RALGAPA1: variants seen among roughly 807,000 people sequenced by gnomAD.
The protein encoded by RALGAPA1 is ral GTPase-activating protein subunit alpha-1.
In RALGAPA1, 52 loss-of-function variants were observed where a neutral mutation model predicts 269.6. The ratio of observed to expected loss-of-function variants is 0.19; its 90% CI spans 0.15 to 0.24. The LOEUF is 0.24. Among genes scored for constraint, RALGAPA1 ranks in the 10% least tolerant of loss-of-function variants. RALGAPA1 has a pLI of 1.00. For missense variants in RALGAPA1, 1,917 were observed against 3,013.9 expected, an observed-to-expected ratio of 0.64 and a Z score of 8.52; for synonymous variants, 817 against 1,008.3, an observed-to-expected ratio of 0.81 and a Z score of 3.60.
chr14:35,664,822 A>C, intron 26 of RALGAPA1, 55 bp from the exon 27 acceptor site: 1 of 1,555,244 alleles, frequency 6.4e-7, no homozygotes, highest in South Asian at 1.2e-5. Flanking sequence ...TGAAATTATC[A>C]GAAAAGTTGC....
At chr14:35,746,495 T>A (rs1292922057) in intron 10 of RALGAPA1, among the ~76,000 whole-genome samples, 1 of 152,188 alleles carries the variant, frequency 6.6e-6, no homozygotes, top group East Asian at 1.9e-4. Context: ...TGTACAGGTA[T>A]ATCAAAACAT....
intron 39 of RALGAPA1, among the ~76,000 whole-genome samples, chr14:35,554,599 G>A (rs1220549449): frequency 1.3e-5 from 2 of 151,854 alleles, no homozygotes; most frequent in Non-Finnish European, 2.9e-5. Context: ...GCCCGCCTCG[G>A]CCTCCCAAAG....
chr14:35,584,389 C>A (rs2058142700), intron 37 of RALGAPA1, among the ~76,000 whole-genome samples: 1 of 152,074 alleles, frequency 6.6e-6, no homozygotes, highest in Non-Finnish European at 1.5e-5. Flanking sequence ...CTCAGCCTCC[C>A]AAGTCGCTGG....
intron 19 of RALGAPA1, among the ~76,000 whole-genome samples, chr14:35,685,646 G>A (rs183297684): frequency 6.6e-6 from 1 of 152,284 alleles, no homozygotes; most frequent in East Asian, 1.9e-4. Flanking sequence ...GCTCACTCTG[G>A]TAATCCCAGC....
chr14:35,793,049 A>G (rs1410936399), intron 1 of RALGAPA1, among the ~76,000 whole-genome samples: 2 of 152,144 alleles, frequency 1.3e-5, no homozygotes, highest in African/African-American at 4.8e-5. Context: ...GTAGTGGGCT[A>G]GGGAGATGTG....
At chr14:35,708,812 A>G (rs1249188054) in intron 16 of RALGAPA1, among the ~76,000 whole-genome samples, 1 of 152,222 alleles carries the variant, frequency 6.6e-6, no homozygotes, top group Non-Finnish European at 1.5e-5. Flanking sequence ...TATTGCCAAC[A>G]CTATTCACAA....
chr14:35,655,149 CCTCA>C (rs1254787124), intron 29 of RALGAPA1, among the ~76,000 whole-genome samples: 1 of 151,706 alleles, frequency 6.6e-6, no homozygotes, highest in Non-Finnish European at 1.5e-5. Flanking sequence ...TATTGTTATC[CCTCA>C]CTGTCTAGCA....
intron 22 of RALGAPA1, 142 bp from the exon 23 acceptor site, chr14:35,674,851 A>G (rs2064807454): frequency 9.4e-6 from 5 of 532,264 alleles, no homozygotes; most frequent in East Asian, 3.0e-5. Context: ...TTTTCCCGAT[A>G]AGGTCAAAAC....
At chr14:35,647,496 A>G (rs188747098) in intron 31 of RALGAPA1, among the ~76,000 whole-genome samples, 12 of 152,342 alleles carry the variant, frequency 7.9e-5, no homozygotes, top group Admixed American at 7.2e-4. Context: ...AAATGATTCA[A>G]TATATCTATT....
intron 39 of RALGAPA1, among the ~76,000 whole-genome samples, chr14:35,555,348 A>G (rs2055501718): frequency 6.6e-6 from 1 of 152,186 alleles, no homozygotes; most frequent in South Asian, 2.1e-4. Context: ...ATGAGAAATG[A>G]ATTTAGTCAA....
intron 1 of RALGAPA1, among the ~76,000 whole-genome samples, chr14:35,781,429 T>C (rs1200962514): frequency 2.6e-5 from 4 of 152,030 alleles, no homozygotes; most frequent in African/African-American, 7.2e-5. Context: ...TACCAACTCT[T>C]CCAAAAAATA....
At chr14:35,724,073 C>CA (rs948371742) in intron 14 of RALGAPA1, among the ~76,000 whole-genome samples, 21 of 151,476 alleles carry the variant, frequency 1.4e-4, no homozygotes, top group South Asian at 4.2e-4. Context: ...TAATTTAATA[C>CA]AAAAAAAAGA....
At chr14:35,624,859 T>C (rs914805682) in intron 35 of RALGAPA1, among the ~76,000 whole-genome samples, 3 of 152,136 alleles carry the variant, frequency 2.0e-5, no homozygotes, top group African/African-American at 7.2e-5. Context: ...TCCAGTTAGT[T>C]TTCTGTGATT....
At chr14:35,678,688 T>A (rs1340158550) in intron 21 of RALGAPA1, among the ~76,000 whole-genome samples, 1 of 152,174 alleles carries the variant, frequency 6.6e-6, no homozygotes. Context: ...GGTTCTCAAG[T>A]CTCTCTATAA....
At chr14:35,690,711 T>C (rs2066404284) in intron 17 of RALGAPA1, among the ~76,000 whole-genome samples, 1 of 152,178 alleles carries the variant, frequency 6.6e-6, no homozygotes, top group Non-Finnish European at 1.5e-5. Flanking sequence ...TGCCTGTTAT[T>C]GGCCCTTTCC....
Position 35,671,499 on chromosome 14 carries a change from T to C in RALGAPA1, c.5092A>G (p.Ile1698Val), listed in dbSNP as rs751678429. 4.6e-5 allele frequency: 72 copies of C among 1,565,944 alleles called. No homozygotes were observed. In the East Asian group the frequency reaches 1.6e-3, roughly 35 times the overall value. The change falls in exon 26 of 42, where the codon ATC becomes GTC. Residue 1698 changes from isoleucine to valine, a missense_variant. Transcript: ENST00000680220. ...AAAAATTGAGGTGAGCAGTGTTTGA[T>C]GATTGTATTGACAATATCCTTAGAA... is the stretch of plus-strand genomic sequence containing the variant. ...HIDQDIVNTI[I>V]KHCSPQFFSL...
chr14:35,628,228 A>G (rs1374420302), intron 33 of RALGAPA1, among the ~76,000 whole-genome samples: 1 of 152,198 alleles, frequency 6.6e-6, no homozygotes, highest in Non-Finnish European at 1.5e-5. Context: ...AGTATTATAA[A>G]TCAATCATGA....
rs150311513 is a variant in RALGAPA1 at position 35,764,903 on chromosome 14, G to C, written c.326-2150C>G. Among the ~76,000 whole-genome samples the C allele has an allele frequency of 1.1e-4, 17 of 152,126 alleles. 1 individual carries two copies. In the East Asian group the frequency reaches 3.3e-3, roughly 29 times the overall value. On this transcript the variant is annotated intron_variant, in intron 4 of 41. Coordinates refer to ENST00000680220, the MANE Select transcript of RALGAPA1 (RefSeq NM_001346249.2). Reference sequence around the variant, plus strand: ...TGTTTTTCTTTCTTATGTGTTCTTTGTATGTCTAAAGAAATCCTTCCTTAC... The same window carrying C: ...TGTTTTTCTTTCTTATGTGTTCTTTCTATGTCTAAAGAAATCCTTCCTTAC...
At chr14:35,672,295 C>T (rs1374405091) in intron 25 of RALGAPA1, among the ~76,000 whole-genome samples, 1 of 152,064 alleles carries the variant, frequency 6.6e-6, no homozygotes, top group Non-Finnish European at 1.5e-5. Context: ...TTCTGACTTG[C>T]AACCTCCTAC....
Sources: gnomAD v4.1 joint callset for allele counts (sites outside exome capture counted in the v4.1 genomes callset) on GRCh38, gnomAD v4.1.1 for gene constraint, MANE v1.5 for transcripts, NCBI Gene and HGNC (gene_info 2026-07-23, HGNC 2026-07-21) for gene names.